Variants in TVP23C observed in about 807,000 individuals in gnomAD.
TVP23C encodes the protein trans-golgi network vesicle protein 23 homolog C, also known as Golgi apparatus membrane protein TVP23 homolog C.
A neutral mutation model predicts 28.7 loss-of-function variants in TVP23C; 19 were observed. The observed-to-expected ratio is 0.66, with a 90% confidence interval of 0.46 to 0.97. TVP23C has a LOEUF of 0.97. Among genes scored for constraint, TVP23C ranks in the 50% least tolerant of loss-of-function variants. The pLI is 0.00. For synonymous variants in TVP23C, 68 were observed against 81.7 expected (o/e 0.83, Z 0.90); for missense variants, 186 against 241.3 (o/e 0.77, Z 1.52).
chr17:15,548,803 T>C (rs1050605318), intron 3 of TVP23C, among the ~76,000 whole-genome samples: 2 of 152,250 alleles, frequency 1.3e-5, no homozygotes, highest in African/African-American at 4.8e-5. Context: ...ATATATGCTA[T>C]ATTTTTTCCT....
chr17:15,561,370 G>A (rs1439556457), intron 1 of TVP23C, among the ~76,000 whole-genome samples: 1 of 152,100 alleles, frequency 6.6e-6, no homozygotes, highest in Non-Finnish European at 1.5e-5. Context: ...AGGCCGAGGC[G>A]GGTGGATAAC....
At chr17:15,503,293 T>G in intron 5 of TVP23C, 1 of 1,438,570 alleles carries the variant, frequency 7.0e-7, no homozygotes. Flanking sequence ...TGGTTCCAGC[T>G]ACTTGACAGG....
chr17:15,503,420 T>C (rs1981580522), intron 5 of TVP23C: 1 of 697,544 alleles, frequency 1.4e-6, no homozygotes, highest in African/African-American at 1.8e-5. Flanking sequence ...GAAAAGTCCT[T>C]GAGGCAAAAG....
intron 3 of TVP23C, among the ~76,000 whole-genome samples, chr17:15,548,229 C>T (rs1481674430): frequency 2.0e-5 from 3 of 152,156 alleles, no homozygotes; most frequent in African/African-American, 4.8e-5. Flanking sequence ...TGCAACGGGG[C>T]GATCTCAGCT....
chr17:15,518,355 T>C (rs1415545507), intron 5 of TVP23C, among the ~76,000 whole-genome samples: 1 of 152,084 alleles, frequency 6.6e-6, no homozygotes, highest in African/African-American at 2.4e-5. Flanking sequence ...CAACGGCACA[T>C]CCAAGCTAAA....
At chr17:15,503,227 C>T in exon 6 of TVP23C, 1 of 1,503,998 alleles carries the variant, frequency 6.6e-7, no homozygotes, top group Non-Finnish European at 8.9e-7. Flanking sequence ...TGTGGCGAGA[C>T]CGTCTCTACA....
At chr17:15,504,443 G>A (rs1470286047) in intron 5 of TVP23C, among the ~76,000 whole-genome samples, 1 of 152,202 alleles carries the variant, frequency 6.6e-6, no homozygotes, top group Non-Finnish European at 1.5e-5. Context: ...AAAATAAGGA[G>A]TTGCTGGAAG....
At chr17:15,544,223 C>G (rs1176839292) in intron 5 of TVP23C, among the ~76,000 whole-genome samples, 1 of 152,120 alleles carries the variant, frequency 6.6e-6, no homozygotes, top group South Asian at 2.1e-4. Context: ...GCCAGGTCAT[C>G]ATTTAAGAAT....
At chr17:15,527,384 T>C (rs1982773280) in intron 5 of TVP23C, among the ~76,000 whole-genome samples, 1 of 152,136 alleles carries the variant, frequency 6.6e-6, no homozygotes, top group African/African-American at 2.4e-5. Context: ...CAGCATTCTT[T>C]CCTATAATTG....
At chr17:15,555,894 T>C (rs1984108985) in intron 1 of TVP23C, among the ~76,000 whole-genome samples, 1 of 152,150 alleles carries the variant, frequency 6.6e-6, no homozygotes, top group Non-Finnish European at 1.5e-5. Flanking sequence ...CTTTCTTCTA[T>C]CTTCAAGTCT....
At chr17:15,545,423 C>G (rs1434039124) in intron 5 of TVP23C, among the ~76,000 whole-genome samples, 2 of 152,296 alleles carry the variant, frequency 1.3e-5, no homozygotes, top group Non-Finnish European at 2.9e-5. Flanking sequence ...AATCTCCCAG[C>G]AGAGCCCTTC....
chr17:15,549,456 C>G (rs1191429562), intron 3 of TVP23C, among the ~76,000 whole-genome samples: 1 of 152,052 alleles, frequency 6.6e-6, no homozygotes. Flanking sequence ...CCTGGCCAGG[C>G]ATGGTGGCTC....
intron 2 of TVP23C, among the ~76,000 whole-genome samples, chr17:15,554,410 TG>T (rs1342668465): frequency 2.0e-5 from 3 of 151,998 alleles, no homozygotes; most frequent in Non-Finnish European, 4.4e-5. Flanking sequence ...GCTAATTTTT[TG>T]TATTTTTAGT....
Position 15,539,260 on chromosome 17 carries a change from A to C in TVP23C, c.*1152T>G, listed in dbSNP as rs768503280. ...AGTTTAAGAATCCCTGTCCTACATA[A>C]TATCACTTGCCCAACCTACTGTACT... On this transcript the variant is annotated 3_prime_UTR_variant, in exon 6 of 6. Transcript: ENST00000518321. 11 of 985,362 alleles carry C rather than the reference A, an allele frequency of 1.1e-5. No individual in the cohort carries two copies. Among genetic ancestry groups the C allele is most frequent in the Non-Finnish European group, 1.3e-5 (11 of 829,886 alleles). The allele number at this position is 985,362 out of a possible 1,614,324, so 61.0% of individuals were successfully genotyped here.
intron 5 of TVP23C, among the ~76,000 whole-genome samples, chr17:15,507,851 AG>A (rs1981832966): frequency 6.6e-6 from 1 of 152,182 alleles, no homozygotes; most frequent in South Asian, 2.1e-4. Flanking sequence ...AAAAAAGAAA[AG>A]AAAAAACTAA....
chr17:15,523,912 C>A (rs1007076212), intron 5 of TVP23C, among the ~76,000 whole-genome samples: 1 of 152,162 alleles, frequency 6.6e-6, no homozygotes, highest in Middle Eastern at 3.2e-3. Context: ...CGCGCCCAGC[C>A]GCCAGAAGAT....
chr17:15,508,075 G>A (rs1282680779), intron 5 of TVP23C, among the ~76,000 whole-genome samples: 1 of 152,156 alleles, frequency 6.6e-6, no homozygotes, highest in Non-Finnish European at 1.5e-5. Flanking sequence ...GCAGGCTCAG[G>A]ACCTTTGTAA....
intron 5 of TVP23C, among the ~76,000 whole-genome samples, chr17:15,528,236 G>A (rs939006442): frequency 7.2e-5 from 11 of 152,276 alleles, no homozygotes; most frequent in African/African-American, 2.4e-4. Context: ...AGTGTTTACT[G>A]TTACGGATTT....
chr17:15,542,259 C>A (rs747827998), intron 5 of TVP23C, among the ~76,000 whole-genome samples: 7 of 152,116 alleles, frequency 4.6e-5, no homozygotes, highest in South Asian at 2.1e-4. Flanking sequence ...TCCCAACTAA[C>A]AATGACCCAA....
Sources: allele counts gnomAD v4.1 joint callset (sites outside exome capture counted in the v4.1 genomes callset), GRCh38; gene constraint gnomAD v4.1.1; transcripts MANE v1.5; gene names NCBI Gene and HGNC (gene_info 2026-07-23, HGNC 2026-07-21).